The following PPP1R37 variants were observed in gnomAD, a reference collection of about 807,000 sequenced individuals.
PPP1R37 encodes the protein leucine rich repeat containing 68.
A neutral mutation model predicts 61.0 loss-of-function variants in PPP1R37; 21 were observed. The ratio of observed to expected loss-of-function variants is 0.34; its 90% CI spans 0.24 to 0.50. The LOEUF (loss-of-function observed/expected upper bound fraction) is 0.50, where lower values mean the gene tolerates loss of function less well. PPP1R37 is among the 20% of genes least tolerant of loss of function. The pLI, the probability that PPP1R37 is intolerant of heterozygous loss-of-function variation, is 0.98. For synonymous variants in PPP1R37, 443 were observed against 433.5 expected, an observed-to-expected ratio of 1.02 and a Z score of -0.27; for missense variants, 910 against 952.7, an observed-to-expected ratio of 0.96 and a Z score of 0.59.
intron 1 of PPP1R37, among the ~76,000 whole-genome samples, chr19:45,116,249 G>T (rs1408774232): frequency 6.6e-6 from 1 of 152,242 alleles, no homozygotes; most frequent in Admixed American, 6.5e-5. Flanking sequence ...AGGCAGTTGG[G>T]AAGGTCAGGA....
Position 45,130,202 on chromosome 19 carries a change from T to G in PPP1R37, c.203-8312T>G, listed in dbSNP as rs147790981. Among the ~76,000 whole-genome samples, 15 of 152,252 alleles carry G rather than the reference T, an allele frequency of 9.9e-5. No individual in the cohort carries two copies. The highest frequency in any genetic ancestry group is 6.5e-4 in the Admixed American group (10 of 15,298). Reference sequence around the variant, plus strand: ...GCTGTCACCATCCAAGATGGCAATCTGGTGTGCCATTCCTGACTGCCAACC... The same window carrying G: ...GCTGTCACCATCCAAGATGGCAATCGGGTGTGCCATTCCTGACTGCCAACC... On this transcript the variant is annotated intron_variant, in intron 1 of 12. Transcript: ENST00000221462. This position sits in a 1 kb window ranked among gnomAD's most constrained non-coding sequence, Gnocchi z 4.4.
chr19:45,145,142 G>C lies in PPP1R37; in HGVS notation c.1178G>C (p.Arg393Thr). Residue 393 changes from arginine (R) to threonine (T), a missense_variant, in exon 10 of 13, where the codon AGA becomes ACA. Coordinates refer to ENST00000221462, the MANE Select transcript of PPP1R37 (RefSeq NM_019121.2). ...ATCGCTGAGAGCCCCCGCCTCCTGA[G>C]ACTGGACCTTCGGGAGAACGAGATC... ...EFIAESPRLLRLDLRENEIKT... is the reference protein window; with the variant it reads ...EFIAESPRLLTLDLRENEIKT... 1 of 1,535,066 alleles carries C rather than the reference G, an allele frequency of 6.5e-7. No individual in the cohort carries two copies. Among genetic ancestry groups the C allele is most frequent in the Non-Finnish European group, 8.7e-7 (1 of 1,146,426 alleles).
At chr19:45,110,453 G>A (rs1025486951) in intron 1 of PPP1R37, among the ~76,000 whole-genome samples, 2 of 152,028 alleles carry the variant, frequency 1.3e-5, no homozygotes, top group African/African-American at 2.4e-5. Context: ...GGTCTCAGTC[G>A]AAATGTTCTT....
chr19:45,113,452 A>G (rs1284707071), intron 1 of PPP1R37, among the ~76,000 whole-genome samples: 1 of 152,218 alleles, frequency 6.6e-6, no homozygotes, highest in Non-Finnish European at 1.5e-5. Flanking sequence ...TTTACCAATG[A>G]AGGAGAGATC....
intron 1 of PPP1R37, among the ~76,000 whole-genome samples, chr19:45,123,488 T>C (rs1042138744): frequency 1.2e-4 from 18 of 152,246 alleles, no homozygotes; most frequent in Admixed American, 1.3e-4. Flanking sequence ...TCCCACAACC[T>C]GTCTGTCCGG....
At chr19:45,142,039 C>T (rs1968618780) in intron 5 of PPP1R37, 22 bp from the exon 6 acceptor site, 1 of 1,493,138 alleles carries the variant, frequency 6.7e-7, no homozygotes, top group Non-Finnish European at 8.9e-7. Context: ...AGTGCCTCAC[C>T]CCTGTCCTCT....
chr19:45,140,899 G>C (rs1399153868), intron 4 of PPP1R37, among the ~76,000 whole-genome samples: 2 of 152,172 alleles, frequency 1.3e-5, no homozygotes, highest in African/African-American at 2.4e-5. Flanking sequence ...CCACGCTGGA[G>C]GGTCCAGCTC....
At position 45,093,612 on chromosome 19, in the gene PPP1R37, C is replaced by T. The variant is rs1967952586; in HGVS notation, c.202+85C>T. ...CGGTGCAGGGCCCGGCTCGAGGTGG[C>T]GTTCAATAGATTGCACCTAATGGTG... On this transcript the variant is annotated intron_variant, in intron 1 of 12. Transcript: ENST00000221462. The T allele has an allele frequency of 2.9e-6, 3 of 1,033,830 alleles. No individual in the cohort carries two copies. In the Admixed American group the frequency reaches 6.8e-5, roughly 23 times the overall value. 64.0% of individuals were successfully genotyped at this position (1,033,830 alleles called of 1,614,324 possible). A position where few individuals can be genotyped will look rare whatever the true frequency, so the allele number is the denominator to read the frequency against.
Position 45,141,412 on chromosome 19 carries a change from T to C in PPP1R37, c.538T>C (p.Trp180Arg). 1 of 1,535,816 alleles carries C rather than the reference T, an allele frequency of 6.5e-7. No individual in the cohort carries two copies. Among genetic ancestry groups the C allele is most frequent in the Non-Finnish European group, 8.7e-7 (1 of 1,146,778 alleles). Residue 180 changes from tryptophan to arginine, a missense_variant, in exon 5 of 13, where the codon TGG (tryptophan) becomes CGG (arginine). By Grantham distance (101) the Trp-to-Arg change is moderately radical. Coordinates refer to ENST00000221462, the MANE Select transcript of PPP1R37 (RefSeq NM_019121.2). Reference sequence around the variant, plus strand: ...CAACAAGCACATCGGCACCCGGGGCTGGCAGGCGGCCGCCCACATGATGCG... The same window carrying C: ...CAACAAGCACATCGGCACCCGGGGCCGGCAGGCGGCCGCCCACATGATGCG... ...SFNKHIGTRG[W>R]QAAAHMMRKT...
rs911618081 is a variant in PPP1R37 at position 45,146,415 on chromosome 19, G to A, written c.2019G>A (p.Lys673=). The A allele has an allele frequency of 2.6e-6, 4 of 1,535,804 alleles. No individual in the cohort carries two copies. The highest frequency in any genetic ancestry group is 2.7e-5 in the African/African-American group (2 of 73,050). ...AACTGAGCTGCTCCAAGAACGAGAA[G>A]GAGCTCGAGGAGCTGCTTCTGGAAG... is the stretch of plus-strand genomic sequence containing the variant. ...EHELSCSKNE[K]ELEELLLEAS... is the part of the protein sequence containing the mutation. Residue 673 remains lysine, a synonymous_variant, in exon 12 of 13, where the codon AAG becomes AAA. Transcript: ENST00000221462.
chr19:45,138,814 A>G (rs555382892), intron 2 of PPP1R37, among the ~76,000 whole-genome samples: 2 of 152,174 alleles, frequency 1.3e-5, no homozygotes, highest in South Asian at 2.1e-4. Context: ...TAAGACATTC[A>G]GGTATCTGTC....
chr19:45,112,343 A>G (rs1968212612), intron 1 of PPP1R37, among the ~76,000 whole-genome samples: 1 of 111,096 alleles, frequency 9.0e-6, no homozygotes, highest in African/African-American at 3.5e-5. Flanking sequence ...GGCGTGAGCA[A>G]GACTTTCGCT....
intron 1 of PPP1R37, among the ~76,000 whole-genome samples, chr19:45,112,656 G>T (rs1968216440): frequency 6.6e-6 from 1 of 152,174 alleles, no homozygotes; most frequent in Admixed American, 6.5e-5. Flanking sequence ...CCCAAGTCTG[G>T]GTTAGGGGTT....
At chr19:45,146,144 C>T in intron 11 of PPP1R37, 95 bp downstream of exon 11, 3 of 1,330,398 alleles carry the variant, frequency 2.3e-6, no homozygotes, top group Non-Finnish European at 2.0e-6. Flanking sequence ...GTTTCCCCCT[C>T]TTTAAAATGG....
At position 45,127,896 on chromosome 19, in the gene PPP1R37, A is replaced by AC. The variant is rs561266903; in HGVS notation, c.203-10615dup. On this transcript the variant is annotated intron_variant, in intron 1 of 12. Transcript: ENST00000221462. The stretch of plus-strand genomic sequence containing the variant: ...AGGCTGAGGCAGGAGAATCCCTTGA[A>AC]CCCGGGAGGCAGAGGTTGCAGTGAG... Among the ~76,000 whole-genome samples, 173 of 149,098 alleles carry AC rather than the reference A, an allele frequency of 1.2e-3. 1 individual carries two copies. The highest frequency in any genetic ancestry group is 4.0e-3 in the African/African-American group (161 of 40,374).
At position 45,130,144 on chromosome 19, in the gene PPP1R37, G is replaced by C. The variant is rs1968457683; in HGVS notation, c.203-8370G>C. 6.6e-6 allele frequency among the ~76,000 whole-genome samples: 1 copy of C among 152,080 alleles called. No individual in the cohort carries two copies. The highest frequency in any genetic ancestry group is 2.1e-4 in the South Asian group (1 of 4,816). ...CCTCTTGGAGCTGGAGCACTAGCGG[G>C]GGCTCAGCTGCCAAAACCCAGGGAC... is the stretch of plus-strand genomic sequence containing the variant. On this transcript the variant is annotated intron_variant, in intron 1 of 12. Transcript: ENST00000221462. The surrounding 1 kb of genome is among the most constrained non-coding windows in gnomAD (Gnocchi z 4.4).
intron 1 of PPP1R37, chr19:45,108,567 A>G (rs1443782848): frequency 6.7e-6 from 1 of 150,044 alleles, no homozygotes; most frequent in African/African-American, 2.5e-5. Flanking sequence ...TGATGTTAAG[A>G]TGGTGTCTTG....
chr19:45,145,115 T>C lies in PPP1R37; in HGVS notation c.1151T>C (p.Phe384Ser). Residue 384 changes from phenylalanine to serine, a missense_variant, in exon 10 of 13, where the codon TTC (phenylalanine) becomes TCC (serine). By Grantham distance (155) the Phe-to-Ser change is radical. Transcript: ENST00000221462. Reference sequence around the variant, plus strand: ...CCAGGCGCGGTGGCGGTGGCGGAGTTCATCGCTGAGAGCCCCCGCCTCCTG... The same window carrying C: ...CCAGGCGCGGTGGCGGTGGCGGAGTCCATCGCTGAGAGCCCCCGCCTCCTG... Reference protein sequence around the residue: ...TCEGAVAVAEFIAESPRLLRL... With the variant: ...TCEGAVAVAESIAESPRLLRL... The C allele has an allele frequency of 6.5e-7, 1 of 1,533,108 alleles. No homozygotes were observed. Among genetic ancestry groups the C allele is most frequent in the Non-Finnish European group, 8.7e-7 (1 of 1,145,744 alleles). The allele number at this position is 1,533,108 out of a possible 1,614,324, so 95.0% of individuals were successfully genotyped here. A position where few individuals can be genotyped will look rare whatever the true frequency, so the allele number is the denominator to read the frequency against.
At chr19:45,142,573 T>A in intron 7 of PPP1R37, 115 bp downstream of exon 7, 1 of 1,105,260 alleles carries the variant, frequency 9.0e-7, no homozygotes, top group Non-Finnish European at 1.3e-6. Flanking sequence ...AACGCTGTCC[T>A]GCTGGGGCTC....
Sources: allele counts gnomAD v4.1 joint callset (sites outside exome capture counted in the v4.1 genomes callset), GRCh38; gene constraint gnomAD v4.1.1; non-coding constraint Gnocchi (gnomAD v3.1); transcripts MANE v1.5; gene names NCBI Gene and HGNC (gene_info 2026-07-23, HGNC 2026-07-21).